CLIC4: variants seen among roughly 807,000 people sequenced by gnomAD.
The protein encoded by CLIC4 is chloride intracellular channel protein 4.
CLIC4 carries 13 observed loss-of-function variants against 24.6 expected under a neutral mutation model. The observed-to-expected ratio is 0.53, with a 90% confidence interval of 0.34 to 0.84. The LOEUF (loss-of-function observed/expected upper bound fraction) is 0.84. Among genes scored for constraint, CLIC4 ranks in the 40% least tolerant of loss-of-function variants. The pLI, the probability that CLIC4 is intolerant of heterozygous loss-of-function variation, is 0.01. For synonymous variants in CLIC4, 104 were observed against 111.3 expected (o/e 0.93, Z 0.41); for missense variants, 227 against 301.7 (o/e 0.75, Z 1.83).
intron 1 of CLIC4, among the ~76,000 whole-genome samples, chr1:24,788,866 A>G (rs1048658028): frequency 1.3e-5 from 2 of 152,230 alleles, no homozygotes; most frequent in East Asian, 1.9e-4. Flanking sequence ...CCTGAGAACC[A>G]GGGAAGGGGC....
chr1:24,763,516 G>A (rs1301992234), intron 1 of CLIC4, among the ~76,000 whole-genome samples: 3 of 130,696 alleles, frequency 2.3e-5, no homozygotes, highest in Middle Eastern at 5.2e-3. Context: ...CTCCATGACA[G>A]AGTGAGACTC....
At chr1:24,789,885 T>C (rs1333383949) in intron 1 of CLIC4, among the ~76,000 whole-genome samples, 2 of 152,140 alleles carry the variant, frequency 1.3e-5, no homozygotes, top group Non-Finnish European at 2.9e-5. Context: ...AACATGGACA[T>C]TTTCATACTA....
chr1:24,766,491 T>G (rs1390636463), intron 1 of CLIC4, among the ~76,000 whole-genome samples: 1 of 65,512 alleles, frequency 1.5e-5, no homozygotes, highest in African/African-American at 6.5e-5. Context: ...TTTTTTTTTT[T>G]TTTTTTTTTT....
At chr1:24,753,010 C>G (rs938549801) in intron 1 of CLIC4, among the ~76,000 whole-genome samples, 4 of 152,138 alleles carry the variant, frequency 2.6e-5, no homozygotes, top group African/African-American at 9.7e-5. Context: ...CGTGAGCCAC[C>G]GCGCCCAGCC....
chr1:24,805,097 A>C (rs1474481929), intron 2 of CLIC4, among the ~76,000 whole-genome samples: 11 of 143,484 alleles, frequency 7.7e-5, no homozygotes, highest in African/African-American at 2.3e-4. Flanking sequence ...AAAAAAAAAA[A>C]AAAAAAAACA....
Position 24,829,103 on chromosome 1 carries a change from A to G in CLIC4, c.415+1987A>G, listed in dbSNP as rs183238329. 4.4e-3 allele frequency among the ~76,000 whole-genome samples: 675 copies of G among 152,014 alleles called. 3 individuals carry two copies. Among genetic ancestry groups the G allele is most frequent in the Non-Finnish European group, 7.0e-3 (477 of 67,954 alleles). ...GTGATTCTCCTTTTTATTTCCCCCA[A>G]CCCCCACCCAGATGCTGACAATTTA... is the stretch of plus-strand genomic sequence containing the variant. On this transcript the variant is annotated intron_variant, in intron 4 of 5. Transcript: ENST00000374379.
At chr1:24,745,899 G>A (rs1225002010) in intron 1 of CLIC4, among the ~76,000 whole-genome samples, 2 of 151,116 alleles carry the variant, frequency 1.3e-5, no homozygotes, top group Non-Finnish European at 3.0e-5. Context: ...CCGCGCCCGG[G>A]TGGGTCGGGA....
In CLIC4 at chr1:24,797,818, T is replaced by C. The variant is rs772803305; in HGVS notation, c.149T>C (p.Val50Ala). The change falls in exon 2 of 6, where the codon GTT (valine) becomes GCT (alanine). Residue 50 changes from valine (V) to alanine (A), a missense_variant. By Grantham distance (64) the Val-to-Ala change is moderately conservative (BLOSUM62 0). Coordinates refer to ENST00000374379, the MANE Select transcript of CLIC4 (RefSeq NM_013943.3). ...TTCATGATTCTTTGGCTCAAAGGAG[T>C]TGTATTTAGTGTGACGACTGTTGAC... ...RLFMILWLKG[V>A]VFSVTTVDLK... 1 of 1,613,346 alleles carries C rather than the reference T, an allele frequency of 6.2e-7. No individual in the cohort carries two copies. Among genetic ancestry groups the C allele is most frequent in the Non-Finnish European group, 8.5e-7 (1 of 1,179,770 alleles).
At chr1:24,791,736 C>A (rs543465703) in intron 1 of CLIC4, among the ~76,000 whole-genome samples, 1 of 152,116 alleles carries the variant, frequency 6.6e-6, no homozygotes, top group East Asian at 1.9e-4. Flanking sequence ...ATCAGCTGGG[C>A]ATGGTTGTGG....
At chr1:24,753,743 G>C (rs1037196949) in intron 1 of CLIC4, among the ~76,000 whole-genome samples, 3 of 152,124 alleles carry the variant, frequency 2.0e-5, no homozygotes, top group Non-Finnish European at 2.9e-5. Context: ...ACACTTTCCT[G>C]TGTTTTTGGA....
intron 3 of CLIC4, among the ~76,000 whole-genome samples, chr1:24,821,341 T>G (rs1387679644): frequency 1.3e-5 from 2 of 152,212 alleles, no homozygotes; most frequent in Non-Finnish European, 2.9e-5. Flanking sequence ...AAATTGGACC[T>G]TGAAAACAAA....
In CLIC4 at chr1:24,814,082, T is replaced by G. The variant is rs1476998173; in HGVS notation, c.183-12T>G. On this transcript the variant is annotated splice_polypyrimidine_tract_variant and intron_variant, in intron 2 of 5. Transcript: ENST00000374379. ...AAAATGATCTGATTTTGACCAATATTTTGCCCAACAGGAAGCCAGCAGACC... is the reference window on the plus strand; with the variant it reads ...AAAATGATCTGATTTTGACCAATATGTTGCCCAACAGGAAGCCAGCAGACC... 1.2e-6 allele frequency: 2 copies of G among 1,613,060 alleles called. No homozygotes were observed. Among genetic ancestry groups the G allele is most frequent in the East Asian group, 2.2e-5 (1 of 44,880 alleles).
intron 1 of CLIC4, among the ~76,000 whole-genome samples, chr1:24,784,651 G>C (rs1639242917): frequency 6.6e-6 from 1 of 152,200 alleles, no homozygotes; most frequent in Non-Finnish European, 1.5e-5. Context: ...ATGAATTGGT[G>C]ATGCTGAGTA....
intron 1 of CLIC4, among the ~76,000 whole-genome samples, chr1:24,787,391 A>G (rs1460598027): frequency 6.6e-6 from 1 of 152,002 alleles, no homozygotes; most frequent in Non-Finnish European, 1.5e-5. Context: ...CAGCATGTAT[A>G]TATTTATATT....
intron 1 of CLIC4, among the ~76,000 whole-genome samples, chr1:24,750,081 T>A (rs947519860): frequency 6.6e-6 from 1 of 152,058 alleles, no homozygotes; most frequent in Non-Finnish European, 1.5e-5. Context: ...TATCTCTAAA[T>A]AAATAAGTAA....
At chr1:24,778,601 T>C (rs75584255) in intron 1 of CLIC4, among the ~76,000 whole-genome samples, 3,328 of 152,254 alleles carry the variant, frequency 0.022, 52 homozygotes, top group South Asian at 0.042. Flanking sequence ...ATGAAGAATT[T>C]GTAAGAAAAA....
chr1:24,764,130 G>A (rs540908314), intron 1 of CLIC4, among the ~76,000 whole-genome samples: 72 of 152,284 alleles, frequency 4.7e-4, no homozygotes, highest in Non-Finnish European at 3.4e-4. Flanking sequence ...TGTTTGGTGG[G>A]TAGTTGTTGC....
At chr1:24,802,047 C>T (rs569884351) in intron 2 of CLIC4, among the ~76,000 whole-genome samples, 1 of 152,248 alleles carries the variant, frequency 6.6e-6, no homozygotes, top group South Asian at 2.1e-4. Flanking sequence ...ACCAGGCACA[C>T]ACCCTTACTG....
intron 1 of CLIC4, among the ~76,000 whole-genome samples, chr1:24,777,461 T>C (rs759202414): frequency 6.6e-6 from 1 of 152,104 alleles, no homozygotes. Context: ...GGAGAATCGC[T>C]TGAACCTGGG....
Sources: allele counts gnomAD v4.1 joint callset (sites outside exome capture counted in the v4.1 genomes callset), GRCh38; gene constraint gnomAD v4.1.1; transcripts MANE v1.5; gene names NCBI Gene and HGNC (gene_info 2026-07-23, HGNC 2026-07-21).